ULK4: variants seen among roughly 807,000 people sequenced by gnomAD.
ULK4 encodes inactive serine/threonine-protein kinase ULK4.
A neutral mutation model predicts 160.6 loss-of-function variants in ULK4; 133 were observed. The ratio of observed to expected loss-of-function variants is 0.83; its 90% CI spans 0.72 to 0.96. ULK4 has a LOEUF of 0.96. ULK4 is among the 40% of genes least tolerant of loss of function. ULK4 has a pLI of 0.00. For synonymous variants in ULK4, 534 were observed against 539.8 expected (o/e 0.99, Z 0.15); for missense variants, 1,580 against 1,499.5 (o/e 1.05, Z -0.89).
chr3:41,816,630 C>T (rs576206033), intron 19 of ULK4, among the ~76,000 whole-genome samples: 1 of 152,174 alleles, frequency 6.6e-6, no homozygotes, highest in African/African-American at 2.4e-5. Flanking sequence ...GCCTGGGCGA[C>T]ATGGTGAAAC....
chr3:41,706,361 T>TATATATTTATA (rs1553637296), intron 25 of ULK4, among the ~76,000 whole-genome samples: 2 of 131,524 alleles, frequency 1.5e-5, no homozygotes, highest in African/African-American at 6.7e-5. Flanking sequence ...ATATATATAT[T>TATATATTTATA]TATATATATA....
At chr3:41,669,747 G>A (rs564975027) in intron 29 of ULK4, among the ~76,000 whole-genome samples, 1 of 151,426 alleles carries the variant, frequency 6.6e-6, no homozygotes, top group African/African-American at 2.5e-5. Context: ...ATCTATATAT[G>A]TAGGTATAGA....
At chr3:41,292,292 T>C (rs1029090839) in intron 35 of ULK4, among the ~76,000 whole-genome samples, 3 of 152,144 alleles carry the variant, frequency 2.0e-5, no homozygotes, top group African/African-American at 7.2e-5. Context: ...TTGAGAAAGG[T>C]ATTATTTTTC....
intron 32 of ULK4, among the ~76,000 whole-genome samples, chr3:41,473,661 CAAAGAAAAAA>C (rs1383665488): frequency 4.0e-5 from 1 of 25,296 alleles, no homozygotes; most frequent in Non-Finnish European, 7.2e-5. Context: ...GATTCTGTCT[CAAAGAAAAAA>C]AAAAAAAAAA....
intron 34 of ULK4, among the ~76,000 whole-genome samples, chr3:41,435,529 G>A (rs1020942925): frequency 6.6e-6 from 1 of 152,188 alleles, no homozygotes; most frequent in Non-Finnish European, 1.5e-5. Context: ...AACTCAAATT[G>A]TTAAATAAGG....
chr3:41,961,588 C>T (rs960167574), intron 1 of ULK4, among the ~76,000 whole-genome samples: 5 of 149,626 alleles, frequency 3.3e-5, no homozygotes, highest in Non-Finnish European at 5.9e-5. Flanking sequence ...AGGCAACTCG[C>T]GGCGGGCGAA....
At chr3:41,954,051 G>A (rs981287798) in intron 2 of ULK4, among the ~76,000 whole-genome samples, 5 of 151,842 alleles carry the variant, frequency 3.3e-5, no homozygotes, top group African/African-American at 9.7e-5. Flanking sequence ...GTGTGGTGTC[G>A]GGCACCACTA....
intron 17 of ULK4, among the ~76,000 whole-genome samples, chr3:41,838,844 T>C (rs1026641890): frequency 1.7e-4 from 26 of 152,302 alleles, no homozygotes; most frequent in Non-Finnish European, 2.8e-4. Flanking sequence ...TACTGCATCA[T>C]CTTCCTCATA....
At chr3:41,824,341 C>G (rs148343125) in intron 18 of ULK4, among the ~76,000 whole-genome samples, 1 of 151,684 alleles carries the variant, frequency 6.6e-6, no homozygotes, top group East Asian at 1.9e-4. Flanking sequence ...TGCAGCACAC[C>G]GAGCATAAGA....
At chr3:41,775,917 T>A (rs1226966336) in intron 21 of ULK4, among the ~76,000 whole-genome samples, 1 of 150,998 alleles carries the variant, frequency 6.6e-6, no homozygotes, top group African/African-American at 2.5e-5. Context: ...TTATCCAATC[T>A]CTTGTTGGTT....
At chr3:41,895,268 C>A (rs1698115246) in intron 16 of ULK4, among the ~76,000 whole-genome samples, 1 of 152,026 alleles carries the variant, frequency 6.6e-6, no homozygotes, top group South Asian at 2.1e-4. Flanking sequence ...AAAACAATAA[C>A]AGTTAATAAA....
At position 41,331,732 on chromosome 3, in the gene ULK4, C is replaced by T. The variant is rs145099226; in HGVS notation, c.3678+66347G>A. ...CAGAATCTCTAAAGTTGTTTTGAGA[C>T]GAATTTCTTAGCACTTAGTTTCATC... is the stretch of plus-strand genomic sequence containing the variant. On this transcript the variant is annotated intron_variant, in intron 35 of 36. Coordinates refer to ENST00000301831, the MANE Select transcript of ULK4 (RefSeq NM_017886.4). Among the ~76,000 whole-genome samples the T allele has an allele frequency of 1.4e-4, 21 of 152,282 alleles. 1 individual carries two copies. Among genetic ancestry groups the T allele is most frequent in the East Asian group, 1.2e-3 (6 of 5,184 alleles).
At chr3:41,337,514 A>G (rs2080588223) in intron 35 of ULK4, among the ~76,000 whole-genome samples, 1 of 152,112 alleles carries the variant, frequency 6.6e-6, no homozygotes, top group Non-Finnish European at 1.5e-5. Flanking sequence ...AGATAGGAAA[A>G]ACACGCAGGT....
At chr3:41,363,040 G>T (rs566939432) in intron 35 of ULK4, among the ~76,000 whole-genome samples, 2 of 152,360 alleles carry the variant, frequency 1.3e-5, no homozygotes, top group South Asian at 4.1e-4. Context: ...AATGGAGGGA[G>T]GAGACCTGCA....
intron 35 of ULK4, among the ~76,000 whole-genome samples, chr3:41,329,855 A>G (rs1184359824): frequency 6.6e-6 from 1 of 152,220 alleles, no homozygotes; most frequent in Non-Finnish European, 1.5e-5. Context: ...AAGGGTATTT[A>G]TTAGAAGAGC....
At chr3:41,872,062 C>T (rs1438109497) in intron 17 of ULK4, among the ~76,000 whole-genome samples, 1 of 152,118 alleles carries the variant, frequency 6.6e-6, no homozygotes, top group Non-Finnish European at 1.5e-5. Context: ...CTTCTTTTTG[C>T]TTTTGTTAGT....
chr3:41,644,937 G>C (rs557363688), intron 30 of ULK4, among the ~76,000 whole-genome samples: 4 of 151,982 alleles, frequency 2.6e-5, no homozygotes, highest in African/African-American at 4.8e-5. Flanking sequence ...TGTATGTGTC[G>C]AGGAATTTAT....
intron 34 of ULK4, among the ~76,000 whole-genome samples, chr3:41,444,358 G>A (rs1175553090): frequency 8.2e-6 from 1 of 121,878 alleles, no homozygotes; most frequent in Non-Finnish European, 1.6e-5. Flanking sequence ...TGATTTAAGT[G>A]ACTTCTCTCT....
chr3:41,455,585 G>C lies in ULK4; in HGVS notation c.3404C>G (p.Ser1135Cys), dbSNP rs752231053. 3.7e-6 allele frequency: 6 copies of C among 1,613,752 alleles called. No homozygotes were observed. The African/African-American group carries it at 8.0e-5, about 22-fold the overall frequency. The change falls in exon 34 of 37, where the codon TCT (serine) becomes TGT (cysteine). Residue 1135 changes from serine (S) to cysteine (C), a missense_variant. Transcript: ENST00000301831. ...IVRLALQAQKSGSGEDPQAAE... is the reference protein window; with the variant it reads ...IVRLALQAQKCGSGEDPQAAE... ...AGCCTGAGGGTCCTCTCCTGAGCCA[G>C]ACTTCTGGGCCTGGAACAGAGAGAA...
Sources: allele counts gnomAD v4.1 joint callset (sites outside exome capture counted in the v4.1 genomes callset), GRCh38; gene constraint gnomAD v4.1.1; transcripts MANE v1.5; gene names NCBI Gene and HGNC (gene_info 2026-07-23, HGNC 2026-07-21).